Variants in CCDC80 observed in about 807,000 individuals in gnomAD.
CCDC80 encodes coiled-coil domain containing 80.
In CCDC80, 49 loss-of-function variants were observed where a neutral mutation model predicts 78.7. The observed-to-expected ratio is 0.62, with a 90% CI of 0.50 to 0.79. The LOEUF (loss-of-function observed/expected upper bound fraction) is 0.79, where lower values mean the gene tolerates loss of function less well. Ranked by LOEUF, CCDC80 falls within the 30% of genes least tolerant of loss-of-function variation. The pLI, the probability that CCDC80 is intolerant of heterozygous loss-of-function variation, is 0.00. For missense variants in CCDC80, 1,205 were observed against 1,198.6 expected (o/e 1.01, Z -0.08); for synonymous variants, 488 against 447.0 (o/e 1.09, Z -1.16).
At chr3:112,617,206 AC>A (rs974174300) in intron 4 of CCDC80, among the ~76,000 whole-genome samples, 16 of 152,214 alleles carry the variant, frequency 1.1e-4, no homozygotes, top group Non-Finnish European at 2.4e-4. Flanking sequence ...ACTGAGAAAC[AC>A]TGTACCTAAC....
At chr3:112,637,211 C>T (rs1936224248) in intron 2 of CCDC80, among the ~76,000 whole-genome samples, 1 of 152,140 alleles carries the variant, frequency 6.6e-6, no homozygotes, top group Admixed American at 6.5e-5. Flanking sequence ...CAGGCACATG[C>T]ACATACACAT....
chr3:112,616,182 C>T (rs549434008), intron 5 of CCDC80, among the ~76,000 whole-genome samples: 2 of 152,152 alleles, frequency 1.3e-5, no homozygotes, highest in East Asian at 1.9e-4. Context: ...ACGACAGTGT[C>T]GAAAAATTCG....
At chr3:112,618,577 A>G (rs993277988) in intron 4 of CCDC80, among the ~76,000 whole-genome samples, 2 of 152,086 alleles carry the variant, frequency 1.3e-5, no homozygotes, top group Admixed American at 1.3e-4. Flanking sequence ...TTGGATCAGG[A>G]GGCACACTTC....
chr3:112,614,612 T>C (rs1935695080), intron 5 of CCDC80, among the ~76,000 whole-genome samples: 1 of 152,078 alleles, frequency 6.6e-6, no homozygotes, highest in Admixed American at 6.6e-5. Context: ...TATGAAGGTG[T>C]GTGCCTTCTG....
At chr3:112,612,452 CT>C (rs1935650859) in intron 5 of CCDC80, among the ~76,000 whole-genome samples, 1 of 152,172 alleles carries the variant, frequency 6.6e-6, no homozygotes, top group Non-Finnish European at 1.5e-5. Context: ...GTCATTTCCC[CT>C]AAGTCATGTT....
intron 6 of CCDC80, 28 bp downstream of exon 6, chr3:112,609,950 A>G (rs1935590451): frequency 1.3e-6 from 2 of 1,485,752 alleles, no homozygotes; most frequent in Admixed American, 1.7e-5. Context: ...GGTATGGGAA[A>G]GCAGTAATGA....
chr3:112,631,010 T>G (rs1559880610), intron 2 of CCDC80, among the ~76,000 whole-genome samples: 2 of 151,500 alleles, frequency 1.3e-5, no homozygotes, highest in African/African-American at 4.9e-5. Flanking sequence ...CCCTGTCTTC[T>G]GGGGGAAAAA....
chr3:112,597,588 A>T lies in CCDC80; in HGVS notation c.*7829T>A, dbSNP rs908899631. 2.6e-5 allele frequency: 4 copies of T among 152,164 alleles called. No homozygotes were observed. Among genetic ancestry groups the T allele is most frequent in the African/African-American group, 7.2e-5 (3 of 41,428 alleles). The allele number at this position is 152,164 out of a possible 1,614,324, so 9.4% of individuals were successfully genotyped here. A position where few individuals can be genotyped will look rare whatever the true frequency, so the allele number is the denominator to read the frequency against. ...ACAAGTGTCAGCATCTTTCATGGAC[A>T]TCCAGACAATTTCTTAAAGATGGGA... On this transcript the variant is annotated 3_prime_UTR_variant, in exon 8 of 8. Transcript: ENST00000206423.
At chr3:112,618,537 A>T (rs1008222804) in intron 4 of CCDC80, among the ~76,000 whole-genome samples, 5 of 148,864 alleles carry the variant, frequency 3.4e-5, no homozygotes, top group African/African-American at 1.3e-4. Context: ...AAAATAATAA[A>T]AAAAAAACAA....
intron 5 of CCDC80, among the ~76,000 whole-genome samples, chr3:112,613,168 A>G (rs1935665715): frequency 6.6e-6 from 1 of 152,206 alleles, no homozygotes; most frequent in Non-Finnish European, 1.5e-5. Flanking sequence ...GCTCAGGGTC[A>G]CACAGCTAGT....
In CCDC80 at chr3:112,605,593, T is replaced by C. The variant is rs760182181; in HGVS notation, c.2677A>G (p.Ile893Val). 3.1e-6 allele frequency: 5 copies of C among 1,614,206 alleles called. No individual in the cohort carries two copies. In the South Asian group the frequency reaches 5.5e-5, roughly 18 times the overall value. Residue 893 changes from isoleucine to valine, a missense_variant, in exon 8 of 8, where the codon ATT becomes GTT. Ile to Val is a conservative substitution (Grantham distance 29). Coordinates refer to ENST00000206423, the MANE Select transcript of CCDC80 (RefSeq NM_199511.3). ...MWSMVIVYDL[I>V]DSMQLRRQEM... ...TGTCTCCGAAGTTGCATCGAATCAA[T>C]TAAATCGTACACAATCACCATGGAC...
chr3:112,628,277 T>G (rs879796818), intron 3 of CCDC80, among the ~76,000 whole-genome samples: 15 of 152,222 alleles, frequency 9.9e-5, no homozygotes, highest in Non-Finnish European at 2.2e-4. Context: ...CTTTGTAGTA[T>G]TAGTCTCTTG....
chr3:112,633,588 G>A (rs539101837), intron 2 of CCDC80, among the ~76,000 whole-genome samples: 5 of 152,332 alleles, frequency 3.3e-5, no homozygotes, highest in Non-Finnish European at 4.4e-5. Flanking sequence ...AGTCAGAGGA[G>A]AGGAGAGGGA....
rs60731413 is a variant in CCDC80, at chr3:112,627,866, G to GAAA, written c.2035+2244_2035+2246dup. Reference sequence around the variant, plus strand: ...ATAATACCTGATTTCCAATAAGGCAGAAAAAAAAAAAAAAAAGACCCACAG... The same window carrying GAAA: ...ATAATACCTGATTTCCAATAAGGCAGAAAAAAAAAAAAAAAAAAAGACCCACAG... On this transcript the variant is annotated intron_variant, in intron 3 of 7. Coordinates refer to ENST00000206423, the MANE Select transcript of CCDC80 (RefSeq NM_199511.3). Among the ~76,000 whole-genome samples the GAAA allele has an allele frequency of 1.8e-4, 22 of 119,934 alleles. 1 individual carries two copies. The highest frequency in any genetic ancestry group is 3.2e-4 in the Admixed American group (4 of 12,384). The allele number at this position is 119,934 out of a possible 152,430, so 78.7% of individuals were successfully genotyped here.
chr3:112,630,040 T>G (rs1304564964), intron 3 of CCDC80, 73 bp downstream of exon 3: 1 of 1,408,798 alleles, frequency 7.1e-7, no homozygotes, highest in African/African-American at 1.4e-5. Flanking sequence ...ATCCCCCATG[T>G]ACCTCTACCA....
chr3:112,619,198 G>T, intron 3 of CCDC80, 94 bp from the exon 4 acceptor site: 1 of 1,168,288 alleles, frequency 8.6e-7, no homozygotes. Context: ...AATCACACCA[G>T]CCTTCATTAG....
chr3:112,636,247 A>C (rs1936204954), intron 2 of CCDC80, among the ~76,000 whole-genome samples: 1 of 152,212 alleles, frequency 6.6e-6, no homozygotes, highest in African/African-American at 2.4e-5. Flanking sequence ...ACATTCAAGT[A>C]TCAGGTAGAG....
At position 112,603,079 on chromosome 3, in the gene CCDC80, T is replaced by C. The variant is rs1935403545; in HGVS notation, c.*2338A>G. ...TACCATTTCCCCAAATCCTACGACT[T>C]TTCAGAATTATGCTAAATCTAATCT... On this transcript the variant is annotated 3_prime_UTR_variant, in exon 8 of 8. Coordinates refer to ENST00000206423, the MANE Select transcript of CCDC80 (RefSeq NM_199511.3). 6.6e-6 allele frequency: 1 copy of C among 152,198 alleles called. No individual in the cohort carries two copies. The highest frequency in any genetic ancestry group is 2.4e-5 in the African/African-American group (1 of 41,452). The allele number at this position is 152,198 out of a possible 1,614,324, so 9.4% of individuals were successfully genotyped here.
chr3:112,611,806 A>C (rs536624187), intron 5 of CCDC80, among the ~76,000 whole-genome samples: 32 of 152,280 alleles, frequency 2.1e-4, no homozygotes, highest in African/African-American at 7.2e-4. Flanking sequence ...GTGTTGGTGC[A>C]CTCACAGAGC....
Sources: gnomAD v4.1 joint callset for allele counts (sites outside exome capture counted in the v4.1 genomes callset) on GRCh38, gnomAD v4.1.1 for gene constraint, MANE v1.5 for transcripts, NCBI Gene and HGNC (gene_info 2026-07-23, HGNC 2026-07-21) for gene names.